The following NCAM2 variants were observed in gnomAD, a reference collection of about 807,000 sequenced individuals.
NCAM2 encodes the protein neural cell adhesion molecule 2, also known as N-CAM-2.
Under a neutral mutation model 98.1 loss-of-function variants are expected in NCAM2, and 30 were observed. The observed-to-expected ratio is 0.31, with a 90% CI of 0.23 to 0.41. The LOEUF (loss-of-function observed/expected upper bound fraction) is 0.41. Ranked by LOEUF, NCAM2 falls within the 10% of genes least tolerant of loss-of-function variation. The pLI is 1.00. For synonymous variants in NCAM2, 368 were observed against 342.4 expected (o/e 1.07, Z -0.83); for missense variants, 867 against 1,005.8 (o/e 0.86, Z 1.87).
chr21:21,379,562 C>T (rs1484032949), intron 9 of NCAM2, among the ~76,000 whole-genome samples: 1 of 151,890 alleles, frequency 6.6e-6, no homozygotes, highest in Admixed American at 6.6e-5. Flanking sequence ...TTGGATTTTT[C>T]CTTGATATTT....
At chr21:21,238,639 A>G (rs902717628) in intron 1 of NCAM2, among the ~76,000 whole-genome samples, 2 of 152,074 alleles carry the variant, frequency 1.3e-5, no homozygotes, top group Admixed American at 6.6e-5. Context: ...TTTCTTCTTA[A>G]TATTAGTATT....
At chr21:21,421,386 A>AT (rs5842922) in intron 11 of NCAM2, among the ~76,000 whole-genome samples, 149,190 of 151,962 alleles carry the variant, frequency 0.98, 73,301 homozygotes, top group South Asian at 1. Context: ...AATATTGGAA[A>AT]TTTTTTGAAT....
At chr21:21,374,914 C>T (rs1416953313) in intron 9 of NCAM2, among the ~76,000 whole-genome samples, 1 of 151,396 alleles carries the variant, frequency 6.6e-6, no homozygotes, top group East Asian at 2.0e-4. Context: ...CAAGAATAGA[C>T]ATAAGTTATC....
At chr21:21,060,119 A>G (rs917046023) in intron 1 of NCAM2, among the ~76,000 whole-genome samples, 2 of 152,094 alleles carry the variant, frequency 1.3e-5, no homozygotes, top group African/African-American at 2.4e-5. Flanking sequence ...GTGAGTGGCC[A>G]TTATAGCTAT....
At chr21:21,371,333 C>G (rs1602135560) in intron 8 of NCAM2, among the ~76,000 whole-genome samples, 1 of 151,720 alleles carries the variant, frequency 6.6e-6, no homozygotes, top group East Asian at 1.9e-4. Context: ...TATGCATTGT[C>G]TTTACCTCAG....
intron 1 of NCAM2, among the ~76,000 whole-genome samples, chr21:21,142,252 A>C (rs1325433689): frequency 6.6e-6 from 1 of 152,176 alleles, no homozygotes; most frequent in African/African-American, 2.4e-5. Context: ...TGCTGTAAAA[A>C]TACAGTCAAA....
chr21:21,179,640 A>G (rs1202168511), intron 1 of NCAM2, among the ~76,000 whole-genome samples: 1 of 152,220 alleles, frequency 6.6e-6, no homozygotes, highest in Non-Finnish European at 1.5e-5. Context: ...TGTTTTATTC[A>G]AACTAGAAAA....
chr21:21,095,525 A>G (rs1481878040), intron 1 of NCAM2, among the ~76,000 whole-genome samples: 1 of 151,604 alleles, frequency 6.6e-6, no homozygotes, highest in African/African-American at 2.4e-5. Context: ...TTGGAGGAAT[A>G]CAGATGAACT....
intron 14 of NCAM2, among the ~76,000 whole-genome samples, chr21:21,469,368 T>A (rs1984133344): frequency 7.0e-6 from 1 of 142,270 alleles, no homozygotes; most frequent in Non-Finnish European, 1.6e-5. Context: ...AGTCATAGAG[T>A]GACACTATGG....
At chr21:21,523,222 G>C (rs940136148) in intron 16 of NCAM2, among the ~76,000 whole-genome samples, 8 of 151,650 alleles carry the variant, frequency 5.3e-5, no homozygotes, top group African/African-American at 7.3e-5. Flanking sequence ...TTTTTGTTTT[G>C]GTTGCCTGTG....
intron 9 of NCAM2, among the ~76,000 whole-genome samples, chr21:21,401,424 A>C (rs2076628312): frequency 6.6e-6 from 1 of 152,152 alleles, no homozygotes; most frequent in African/African-American, 2.4e-5. Flanking sequence ...TCTGTTGTCT[A>C]ACTGAATCTT....
At chr21:21,138,156 A>G (rs553732211) in intron 1 of NCAM2, among the ~76,000 whole-genome samples, 1 of 152,330 alleles carries the variant, frequency 6.6e-6, no homozygotes, top group East Asian at 1.9e-4. Context: ...TCTTGGGAAC[A>G]GCTGCAGTTC....
chr21:21,462,044 A>G (rs1446858409), intron 12 of NCAM2, among the ~76,000 whole-genome samples: 5 of 152,042 alleles, frequency 3.3e-5, no homozygotes, highest in Non-Finnish European at 7.4e-5. Flanking sequence ...GTTTCTTTTA[A>G]TTGTTTACAG....
intron 5 of NCAM2, among the ~76,000 whole-genome samples, chr21:21,301,014 G>T (rs1258075037): frequency 6.6e-6 from 1 of 151,972 alleles, no homozygotes; most frequent in Non-Finnish European, 1.5e-5. Flanking sequence ...AATCACCACG[G>T]ATAGTGAATA....
chr21:21,349,171 T>C (rs2075269765), intron 8 of NCAM2, among the ~76,000 whole-genome samples: 1 of 152,160 alleles, frequency 6.6e-6, no homozygotes, highest in African/African-American at 2.4e-5. Context: ...GGAGAAAATA[T>C]TTGTAAACTA....
chr21:21,133,975 G>A (rs1487520260), intron 1 of NCAM2, among the ~76,000 whole-genome samples: 1 of 151,652 alleles, frequency 6.6e-6, no homozygotes, highest in African/African-American at 2.4e-5. Context: ...TATATTCCTT[G>A]ATCAGACCTC....
intron 1 of NCAM2, among the ~76,000 whole-genome samples, chr21:21,040,408 T>C (rs1274453082): frequency 1.3e-5 from 2 of 152,150 alleles, no homozygotes; most frequent in African/African-American, 4.8e-5. Context: ...TATTTAGATA[T>C]ATGAATATAT....
At chr21:21,058,160 A>C (rs955705445) in intron 1 of NCAM2, among the ~76,000 whole-genome samples, 7 of 149,428 alleles carry the variant, frequency 4.7e-5, no homozygotes, top group South Asian at 2.1e-4. Flanking sequence ...AAAAAAAAAA[A>C]AAAAACCCAA....
intron 15 of NCAM2, among the ~76,000 whole-genome samples, chr21:21,503,639 A>G (rs1478884394): frequency 2.6e-5 from 4 of 151,964 alleles, no homozygotes; most frequent in Non-Finnish European, 5.9e-5. Flanking sequence ...GGACTACTGT[A>G]TATAAGACAT....
Sources: allele counts gnomAD v4.1 joint callset (sites outside exome capture counted in the v4.1 genomes callset), GRCh38; gene constraint gnomAD v4.1.1; transcripts MANE v1.5; gene names NCBI Gene and HGNC (gene_info 2026-07-23, HGNC 2026-07-21).